Variants in LYPD6B observed in about 807,000 individuals in gnomAD.
LYPD6B encodes ly6/PLAUR domain-containing protein 6B.
A neutral mutation model predicts 22.8 loss-of-function variants in LYPD6B; 17 were observed. That is an observed-to-expected ratio of 0.75 (90% CI 0.51 to 1.12). The LOEUF (loss-of-function observed/expected upper bound fraction) is 1.12. Among genes scored for constraint, LYPD6B ranks in the 50% most tolerant of loss-of-function variants. The pLI, the probability that LYPD6B is intolerant of heterozygous loss-of-function variation, is 0.00. For missense variants in LYPD6B, 221 were observed against 258.3 expected (o/e 0.86, Z 0.99); for synonymous variants, 106 against 91.6 (o/e 1.16, Z -0.90).
intron 3 of LYPD6B, among the ~76,000 whole-genome samples, chr2:149,194,183 T>C (rs12464650): frequency 0.41 from 62,418 of 152,074 alleles, 13,014 homozygotes; most frequent in Non-Finnish European, 0.44. Flanking sequence ...TTACCCTGAT[T>C]GGTTTGTAGC....
At chr2:149,125,032 G>T (rs1373948073) in intron 1 of LYPD6B, among the ~76,000 whole-genome samples, 4 of 152,198 alleles carry the variant, frequency 2.6e-5, no homozygotes, top group African/African-American at 9.6e-5. Context: ...AAGCAAGTTG[G>T]TGTGGATCGA....
chr2:149,185,243 G>A (rs1246902519), intron 3 of LYPD6B, among the ~76,000 whole-genome samples: 1 of 152,098 alleles, frequency 6.6e-6, no homozygotes, highest in Admixed American at 6.5e-5. Context: ...GAATAATAAG[G>A]GTCTGAAGCC....
chr2:149,155,642 G>A (rs1260555555), intron 2 of LYPD6B, among the ~76,000 whole-genome samples: 1 of 152,220 alleles, frequency 6.6e-6, no homozygotes, highest in Non-Finnish European at 1.5e-5. Flanking sequence ...ATGAGGACAG[G>A]CTAAGTGATC....
chr2:149,085,095 C>T (rs1184849650), intron 1 of LYPD6B, among the ~76,000 whole-genome samples: 4 of 152,214 alleles, frequency 2.6e-5, no homozygotes, highest in Non-Finnish European at 5.9e-5. Flanking sequence ...TGCATTGATC[C>T]TCTTGGCCAC....
intron 3 of LYPD6B, among the ~76,000 whole-genome samples, chr2:149,182,314 G>T (rs552991287): frequency 6.6e-6 from 1 of 152,184 alleles, no homozygotes; most frequent in East Asian, 1.9e-4. Context: ...TTTTCATATA[G>T]TTTAAAACTC....
At chr2:149,086,000 A>G (rs908246523) in intron 1 of LYPD6B, among the ~76,000 whole-genome samples, 3 of 152,190 alleles carry the variant, frequency 2.0e-5, no homozygotes, top group African/African-American at 7.2e-5. Flanking sequence ...AGAAAGGTGC[A>G]TTAAAAACAA....
intron 1 of LYPD6B, among the ~76,000 whole-genome samples, chr2:149,039,503 G>A (rs1016973182): frequency 2.6e-5 from 4 of 152,212 alleles, no homozygotes; most frequent in African/African-American, 9.7e-5. Flanking sequence ...AGTGGGAAAA[G>A]TCTAGAATGC....
intron 1 of LYPD6B, among the ~76,000 whole-genome samples, chr2:149,104,145 C>T (rs1686353294): frequency 1.3e-5 from 2 of 152,064 alleles, no homozygotes; most frequent in South Asian, 4.1e-4. Flanking sequence ...TCTGTTTATC[C>T]ATTTGCCTGT....
At chr2:149,111,255 T>C (rs996056520) in intron 1 of LYPD6B, among the ~76,000 whole-genome samples, 1 of 152,136 alleles carries the variant, frequency 6.6e-6, no homozygotes, top group African/African-American at 2.4e-5. Context: ...TTGAGAAAAG[T>C]AATGGCATGA....
intron 2 of LYPD6B, among the ~76,000 whole-genome samples, chr2:149,139,187 G>A (rs942855564): frequency 6.6e-6 from 1 of 152,158 alleles, no homozygotes; most frequent in Non-Finnish European, 1.5e-5. Context: ...TTGCCTCCTG[G>A]AGCCCCTATG....
chr2:149,065,931 G>A (rs1684299008), intron 1 of LYPD6B, among the ~76,000 whole-genome samples: 2 of 151,896 alleles, frequency 1.3e-5, no homozygotes, highest in African/African-American at 4.8e-5. Context: ...AGGCTGGTTT[G>A]TAACTCCTGA....
intron 1 of LYPD6B, among the ~76,000 whole-genome samples, chr2:149,048,024 T>A (rs1281542120): frequency 1.3e-5 from 2 of 152,200 alleles, no homozygotes; most frequent in Non-Finnish European, 2.9e-5. Context: ...CCATTTAATC[T>A]TTCAGATTGT....
At chr2:149,205,052 A>C in intron 3 of LYPD6B, 1 of 542,104 alleles carries the variant, frequency 1.8e-6, no homozygotes, top group Non-Finnish European at 3.2e-6. Context: ...TGGCTAGTGC[A>C]GAGGCCTGAC....
chr2:149,202,333 A>G lies in LYPD6B; in HGVS notation c.78-2920A>G, dbSNP rs7587130. On this transcript the variant is annotated intron_variant, in intron 3 of 6. Coordinates refer to ENST00000409642, the MANE Select transcript of LYPD6B (RefSeq NM_177964.5). Reference sequence around the variant, plus strand: ...GGTCCCACCGACTCCCTGACTGTCCAGTCCCCTCCTTCGTGTTCCAGCCAC... The same window carrying G: ...GGTCCCACCGACTCCCTGACTGTCCGGTCCCCTCCTTCGTGTTCCAGCCAC... Among the ~76,000 whole-genome samples the G allele has an allele frequency of 3.8e-3, 576 of 152,268 alleles. 7 individuals are homozygous for G. The highest frequency in any genetic ancestry group is 0.013 in the African/African-American group (552 of 41,554).
At chr2:149,212,243 G>T (rs895010739) in intron 5 of LYPD6B, among the ~76,000 whole-genome samples, 10 of 151,208 alleles carry the variant, frequency 6.6e-5, no homozygotes, top group African/African-American at 2.2e-4. Flanking sequence ...TTAGCCAGGC[G>T]TGGTGGCGGG....
chr2:149,039,296 C>T (rs1227073147), intron 1 of LYPD6B, among the ~76,000 whole-genome samples: 2 of 152,248 alleles, frequency 1.3e-5, no homozygotes, highest in Non-Finnish European at 2.9e-5. Context: ...CTTGCCCCGG[C>T]TCTTTACTTT....
intron 1 of LYPD6B, among the ~76,000 whole-genome samples, chr2:149,047,110 GA>G (rs1395538800): frequency 6.6e-6 from 1 of 152,136 alleles, no homozygotes; most frequent in African/African-American, 2.4e-5. Context: ...AAAATTAAGA[GA>G]AAAAATAATT....
intron 1 of LYPD6B, among the ~76,000 whole-genome samples, chr2:149,045,139 T>C (rs1311742437): frequency 1.3e-5 from 2 of 152,098 alleles, no homozygotes; most frequent in African/African-American, 4.8e-5. Context: ...TTCTTCTTGA[T>C]AAGTTTTGTT....
At chr2:149,102,188 A>G (rs1686245407) in intron 1 of LYPD6B, among the ~76,000 whole-genome samples, 2 of 152,248 alleles carry the variant, frequency 1.3e-5, no homozygotes, top group African/African-American at 4.8e-5. Flanking sequence ...AAATTAATAT[A>G]TAAAATGAAT....
Sources: allele counts gnomAD v4.1 joint callset (sites outside exome capture counted in the v4.1 genomes callset), GRCh38; gene constraint gnomAD v4.1.1; transcripts MANE v1.5; gene names NCBI Gene and HGNC (gene_info 2026-07-23, HGNC 2026-07-21).